Variants in ARID4B observed in about 807,000 individuals in gnomAD.
The protein encoded by ARID4B is AT-rich interaction domain 4B, also known as AT-rich interactive domain-containing protein 4B.
In ARID4B, 26 loss-of-function variants were observed where a neutral mutation model predicts 147.5. The observed-to-expected ratio is 0.18, with a 90% CI of 0.13 to 0.24. The LOEUF (loss-of-function observed/expected upper bound fraction) is 0.24. Ranked by LOEUF, ARID4B falls within the 10% of genes least tolerant of loss-of-function variation. ARID4B has a pLI of 1.00. For synonymous variants in ARID4B, 512 were observed against 507.9 expected (o/e 1.01, Z -0.11); for missense variants, 1,179 against 1,511.5 (o/e 0.78, Z 3.65).
intron 2 of ARID4B, among the ~76,000 whole-genome samples, chr1:235,301,962 G>A (rs1265464199): frequency 2.0e-5 from 3 of 151,270 alleles, no homozygotes; most frequent in Admixed American, 6.6e-5. Context: ...CAAAGTGCTA[G>A]GATTACAGGC....
At chr1:235,300,816 T>C (rs1412610012) in intron 2 of ARID4B, among the ~76,000 whole-genome samples, 1 of 152,002 alleles carries the variant, frequency 6.6e-6, no homozygotes, top group African/African-American at 2.4e-5. Context: ...TTCAAGCGAT[T>C]CTCCTGCCTC....
In ARID4B at chr1:235,194,145, A is replaced by G. The variant is rs62000435; in HGVS notation, c.1993T>C (p.Leu665=). 1,788 of 1,613,514 alleles carry G rather than the reference A, an allele frequency of 1.1e-3. 19 individuals are homozygous for G. The African/African-American group carries it at 0.021, about 19-fold the overall frequency. Residue 665 remains leucine (L), a synonymous_variant, in exon 19 of 24, where the codon TTG becomes CTG. Coordinates refer to ENST00000264183, the MANE Select transcript of ARID4B (RefSeq NM_016374.6). ...TTTGTCTGAAATGGTGGTTTGGACA[A>G]GCGCCGAAGTTTACAGTTTTTTGGA... is the stretch of plus-strand genomic sequence containing the variant. ...YSPKNCKLRR[L]SKPPFQTNPS... is the part of the protein sequence containing the mutation.
intron 9 of ARID4B, among the ~76,000 whole-genome samples, chr1:235,234,016 T>C (rs192290255): frequency 1.3e-5 from 2 of 152,102 alleles, no homozygotes; most frequent in African/African-American, 4.8e-5. Flanking sequence ...GAGGCAGAGG[T>C]TGCAGTGAGC....
intron 7 of ARID4B, 24 bp downstream of exon 7, chr1:235,246,396 T>G: frequency 1.3e-6 from 2 of 1,520,472 alleles, no homozygotes; most frequent in Non-Finnish European, 1.8e-6. Flanking sequence ...CAGGTTCAAC[T>G]AACAGTCATG....
chr1:235,322,797 CAGAA>C (rs1476500569), intron 2 of ARID4B, among the ~76,000 whole-genome samples: 3 of 145,906 alleles, frequency 2.1e-5, no homozygotes, highest in Non-Finnish European at 3.0e-5. Context: ...AGGGGTGAGA[CAGAA>C]GGAAGAGGGG....
In ARID4B at chr1:235,303,297, T is replaced by C. The variant is rs539445023; in HGVS notation, c.6+23617A>G. Among the ~76,000 whole-genome samples, 7 of 152,070 alleles carry C rather than the reference T, an allele frequency of 4.6e-5. No individual in the cohort carries two copies. The South Asian group carries it at 1.2e-3, about 27-fold the overall frequency. On this transcript the variant is annotated intron_variant, in intron 2 of 23. Coordinates refer to ENST00000264183, the MANE Select transcript of ARID4B (RefSeq NM_016374.6). ...ATTTGTATTCCTGAATTTTATGTTATCTAAAGACACTGCCCCCAAAACAAA... is the reference window on the plus strand; with the variant it reads ...ATTTGTATTCCTGAATTTTATGTTACCTAAAGACACTGCCCCCAAAACAAA...
At chr1:235,200,886 G>A (rs372013909) in intron 17 of ARID4B, among the ~76,000 whole-genome samples, 1 of 151,808 alleles carries the variant, frequency 6.6e-6, no homozygotes, top group Non-Finnish European at 1.5e-5. Context: ...GCTTATGCCT[G>A]TAATCCTAGC....
intron 2 of ARID4B, among the ~76,000 whole-genome samples, chr1:235,301,124 A>C (rs1306260490): frequency 6.9e-6 from 1 of 144,150 alleles, no homozygotes; most frequent in Non-Finnish European, 1.5e-5. Context: ...GGGCTCAAAC[A>C]ATCTTCCTGC....
chr1:235,208,315 G>A (rs1189123563), intron 17 of ARID4B, among the ~76,000 whole-genome samples: 1 of 152,078 alleles, frequency 6.6e-6, no homozygotes, highest in Non-Finnish European at 1.5e-5. Context: ...AGAAACTTGA[G>A]AGTGAAAGGG....
chr1:235,320,076 G>A (rs1458886425), intron 2 of ARID4B, among the ~76,000 whole-genome samples: 5 of 151,514 alleles, frequency 3.3e-5, no homozygotes, highest in Admixed American at 6.6e-5. Flanking sequence ...GCAGTGAGCC[G>A]AGATCGTGCC....
intron 17 of ARID4B, among the ~76,000 whole-genome samples, chr1:235,209,815 C>T (rs1052329430): frequency 2.0e-5 from 3 of 152,086 alleles, no homozygotes; most frequent in Admixed American, 6.5e-5. Flanking sequence ...CTGCCCGCCT[C>T]GGCCTCCCAA....
At chr1:235,242,945 A>G (rs1406687605) in intron 7 of ARID4B, among the ~76,000 whole-genome samples, 1 of 152,106 alleles carries the variant, frequency 6.6e-6, no homozygotes, top group East Asian at 1.9e-4. Flanking sequence ...TTTCCACAGC[A>G]TTCACTTTTA....
At chr1:235,185,926 A>G (rs1400745757) in intron 19 of ARID4B, among the ~76,000 whole-genome samples, 1 of 150,722 alleles carries the variant, frequency 6.6e-6, no homozygotes, top group African/African-American at 2.4e-5. Flanking sequence ...AGCAATTTCA[A>G]TGTAAAGATT....
chr1:235,231,927 C>T (rs1220033454), intron 9 of ARID4B, among the ~76,000 whole-genome samples: 2 of 152,080 alleles, frequency 1.3e-5, no homozygotes, highest in African/African-American at 4.8e-5. Context: ...GGTAATATAG[C>T]GAGACCCAGT....
rs886252553 is a variant in ARID4B at position 235,168,116 on chromosome 1, T to C, written c.*409A>G. 2 of 212,178 alleles carry C rather than the reference T, an allele frequency of 9.4e-6. No homozygotes were observed. The highest frequency in any genetic ancestry group is 5.8e-5 in the Admixed American group (1 of 17,104). 13.1% of individuals were successfully genotyped at this position (212,178 alleles called of 1,614,324 possible). A position where few individuals can be genotyped will look rare whatever the true frequency, so the allele number is the denominator to read the frequency against. On this transcript the variant is annotated 3_prime_UTR_variant, in exon 24 of 24. Transcript: ENST00000264183. The stretch of plus-strand genomic sequence containing the variant: ...TTGTACAAATGAAAATAGGTTCATA[T>C]TTTTTCATAAATAAATGGAAAAATA...
intron 19 of ARID4B, among the ~76,000 whole-genome samples, chr1:235,188,364 T>C (rs1041917790): frequency 3.3e-5 from 5 of 152,200 alleles, no homozygotes; most frequent in African/African-American, 1.2e-4. Context: ...GAAACCTCAA[T>C]AATTACTGAC....
intron 2 of ARID4B, among the ~76,000 whole-genome samples, chr1:235,316,752 A>G (rs6680443): frequency 0.48 from 72,041 of 149,714 alleles, 17,407 homozygotes; most frequent in South Asian, 0.6. Context: ...CCGGGAGCCG[A>G]GTGTTGCAGT....
At chr1:235,323,129 C>T (rs1674965216) in intron 2 of ARID4B, among the ~76,000 whole-genome samples, 1 of 151,652 alleles carries the variant, frequency 6.6e-6, no homozygotes, top group African/African-American at 2.4e-5. Context: ...CAACCTCCAC[C>T]TCCTAGGTTC....
In ARID4B at chr1:235,167,222, G is replaced by C. The variant is rs1171715016; in HGVS notation, c.*1303C>G. On this transcript the variant is annotated 3_prime_UTR_variant, in exon 24 of 24. Transcript: ENST00000264183. ...TTGAAATTCCCACGTCGTATTGCCA[G>C]GAAACAAAGAAAACATGCCAGCCCC... is the stretch of plus-strand genomic sequence containing the variant. The C allele has an allele frequency of 4.7e-6, 1 of 211,772 alleles. No individual in the cohort carries two copies. The highest frequency in any genetic ancestry group is 2.3e-5 in the African/African-American group (1 of 44,080). 13.1% of individuals were successfully genotyped at this position (211,772 alleles called of 1,614,324 possible). A position where few individuals can be genotyped will look rare whatever the true frequency, so the allele number is the denominator to read the frequency against.
Sources: allele counts gnomAD v4.1 joint callset (sites outside exome capture counted in the v4.1 genomes callset), GRCh38; gene constraint gnomAD v4.1.1; transcripts MANE v1.5; gene names NCBI Gene and HGNC (gene_info 2026-07-23, HGNC 2026-07-21).